ATP6V0A4: variants seen among roughly 807,000 people sequenced by gnomAD.
ATP6V0A4 encodes ATPase H+ transporting V0 subunit a4, also known as V-type proton ATPase 116 kDa subunit a 4.
In ATP6V0A4, 86 loss-of-function variants were observed where a neutral mutation model predicts 107.3. The observed-to-expected ratio is 0.80, with a 90% confidence interval of 0.67 to 0.96. The LOEUF (loss-of-function observed/expected upper bound fraction) is 0.96, where lower values mean the gene tolerates loss of function less well. Ranked by LOEUF, ATP6V0A4 falls within the 40% of genes least tolerant of loss-of-function variation. The probability of loss-of-function intolerance (pLI) is 0.00; values close to 1 mark genes in which losing one functional copy is unlikely to be tolerated. For synonymous variants in ATP6V0A4, 353 were observed against 381.4 expected (o/e 0.93, Z 0.87); for missense variants, 908 against 1,045.6 (o/e 0.87, Z 1.81).
At chr7:138,749,082 G>C (rs1806098488) in intron 12 of ATP6V0A4, 85 bp downstream of exon 12, 3 of 1,547,902 alleles carry the variant, frequency 1.9e-6, no homozygotes, top group Middle Eastern at 2.3e-4. Flanking sequence ...GTTTTAACAA[G>C]TTCACCACCT....
intron 19 of ATP6V0A4, among the ~76,000 whole-genome samples, chr7:138,718,153 G>GTGTGT (rs1804175549): frequency 1.6e-5 from 2 of 128,160 alleles, no homozygotes; most frequent in African/African-American, 2.8e-5. Flanking sequence ...GAAGGAAGGG[G>GTGTGT]GGATGCAGTC....
intron 14 of ATP6V0A4, among the ~76,000 whole-genome samples, chr7:138,741,485 C>T (rs6972218): frequency 0.095 from 14,446 of 152,144 alleles, 2,005 homozygotes; most frequent in African/African-American, 0.3. Flanking sequence ...CATAGCTAAG[C>T]CATCGTGTCT....
At chr7:138,762,801 CAG>C in intron 6 of ATP6V0A4, 97 bp downstream of exon 6, 3 of 1,373,188 alleles carry the variant, frequency 2.2e-6, no homozygotes, top group East Asian at 2.3e-5. Context: ...GGAACAGAAA[CAG>C]AGTGATTTAC....
rs1268890855 is a variant in ATP6V0A4 at position 138,753,704 on chromosome 7, G to A, written c.817-867C>T. Among the ~76,000 whole-genome samples the A allele has an allele frequency of 2.0e-5, 3 of 152,132 alleles. No individual in the cohort carries two copies. The East Asian group carries it at 5.8e-4, about 29-fold the overall frequency. ...AGACACACTGTAAGACAGACATGCTGGCTCTAAGATTAACGAGAGCCATGA... is the reference window on the plus strand; with the variant it reads ...AGACACACTGTAAGACAGACATGCTAGCTCTAAGATTAACGAGAGCCATGA... On this transcript the variant is annotated intron_variant, in intron 10 of 21. Transcript: ENST00000310018.
intron 5 of ATP6V0A4, among the ~76,000 whole-genome samples, chr7:138,767,871 G>A (rs1431959704): frequency 6.6e-6 from 1 of 152,128 alleles, no homozygotes; most frequent in East Asian, 1.9e-4. Context: ...CCCTTGGAGG[G>A]CACAGTCATG....
At chr7:138,774,787 C>T (rs1807581920) in intron 2 of ATP6V0A4, among the ~76,000 whole-genome samples, 2 of 151,622 alleles carry the variant, frequency 1.3e-5, no homozygotes, top group Admixed American at 6.6e-5. Context: ...ACTCACCATC[C>T]TATCAACTAT....
intron 2 of ATP6V0A4, among the ~76,000 whole-genome samples, chr7:138,771,689 G>T (rs1807398095): frequency 6.6e-6 from 1 of 152,106 alleles, no homozygotes; most frequent in Admixed American, 6.5e-5. Context: ...GCACAAACAT[G>T]ACTCACTGCA....
chr7:138,766,615 G>A (rs748770046), intron 5 of ATP6V0A4, among the ~76,000 whole-genome samples: 1 of 151,618 alleles, frequency 6.6e-6, no homozygotes, highest in Non-Finnish European at 1.5e-5. Flanking sequence ...AAATAAAAAG[G>A]GCTATCCACT....
intron 2 of ATP6V0A4, among the ~76,000 whole-genome samples, chr7:138,775,347 T>C (rs1305682114): frequency 2.6e-5 from 4 of 152,180 alleles, no homozygotes; most frequent in African/African-American, 9.7e-5. Context: ...CAGGTATCTC[T>C]AAAAGATAAG....
In ATP6V0A4 at chr7:138,706,861, G is replaced by C. The variant is rs532353201; in HGVS notation, c.2430-144C>G. On this transcript the variant is annotated intron_variant, in intron 21 of 21. Coordinates refer to ENST00000310018, the MANE Select transcript of ATP6V0A4 (RefSeq NM_020632.3). ...AGGGTTGGCCACGGCAGGCACCCAG[G>C]CTGATGGCTGCCATGAGAATCCTGA... 6.4e-4 allele frequency: 830 copies of C among 1,305,786 alleles called. 3 individuals are homozygous for C. Among genetic ancestry groups the C allele is most frequent in the Admixed American group, 3.7e-3 (161 of 43,936 alleles). The allele number at this position is 1,305,786 out of a possible 1,614,324, so 80.9% of individuals were successfully genotyped here. A position where few individuals can be genotyped will look rare whatever the true frequency, so the allele number is the denominator to read the frequency against.
intron 15 of ATP6V0A4, among the ~76,000 whole-genome samples, chr7:138,738,892 T>G (rs1167520920): frequency 3.3e-5 from 5 of 152,148 alleles, no homozygotes; most frequent in African/African-American, 4.8e-5. Flanking sequence ...TCACGCTCAT[T>G]TGGAGCACAA....
At chr7:138,716,010 A>G in intron 19 of ATP6V0A4, 129 bp from the exon 20 acceptor site, 1 of 1,268,044 alleles carries the variant, frequency 7.9e-7, no homozygotes, top group Non-Finnish European at 1.1e-6. Flanking sequence ...AGGGGAAAAG[A>G]AATAGTAATA....
At chr7:138,720,950 T>G (rs1196776682) in intron 19 of ATP6V0A4, among the ~76,000 whole-genome samples, 1 of 152,112 alleles carries the variant, frequency 6.6e-6, no homozygotes, top group African/African-American at 2.4e-5. Context: ...AAGAGAAAAC[T>G]TTTTAAAATA....
intron 19 of ATP6V0A4, among the ~76,000 whole-genome samples, chr7:138,719,918 G>C (rs1388098623): frequency 6.6e-6 from 1 of 152,032 alleles, no homozygotes; most frequent in East Asian, 1.9e-4. Context: ...CCAGCTACTC[G>C]GGAGGCTGAG....
intron 17 of ATP6V0A4, among the ~76,000 whole-genome samples, chr7:138,729,786 G>A (rs1161813212): frequency 3.3e-5 from 5 of 152,212 alleles, no homozygotes; most frequent in African/African-American, 4.8e-5. Context: ...TTCTGACCAA[G>A]GTCGCAGTAA....
At chr7:138,713,602 T>C (rs4728444) in intron 20 of ATP6V0A4, among the ~76,000 whole-genome samples, 32,363 of 152,010 alleles carry the variant, frequency 0.21, 3,535 homozygotes, top group Middle Eastern at 0.29. Flanking sequence ...AAGACAATTA[T>C]AATTGAAGCT....
rs368166747 is a variant in ATP6V0A4, at chr7:138,732,867, G to A, written c.1908+10C>T. 1.9e-6 allele frequency: 3 copies of A among 1,554,658 alleles called. No homozygotes were observed. The highest frequency in any genetic ancestry group is 1.2e-5 in the South Asian group (1 of 83,078). On this transcript the variant is annotated intron_variant, in intron 17 of 21. Transcript: ENST00000310018. ...AAAGAAGAGTAAAAAAAAAAAAATA[G>A]CAGAAATACCTGATGTTTGTAGAGG...
chr7:138,747,120 T>C (rs1191848913), intron 13 of ATP6V0A4, among the ~76,000 whole-genome samples: 1 of 152,122 alleles, frequency 6.6e-6, no homozygotes, highest in Non-Finnish European at 1.5e-5. Flanking sequence ...TTCTAATTTT[T>C]ACAGTGATTA....
At chr7:138,720,792 A>G (rs919790378) in intron 19 of ATP6V0A4, among the ~76,000 whole-genome samples, 4 of 152,054 alleles carry the variant, frequency 2.6e-5, no homozygotes, top group East Asian at 1.9e-4. Context: ...GCTCACCACC[A>G]TGCCTGGCTA....
Sources: allele counts gnomAD v4.1 joint callset (sites outside exome capture counted in the v4.1 genomes callset), GRCh38; gene constraint gnomAD v4.1.1; transcripts MANE v1.5; gene names NCBI Gene and HGNC (gene_info 2026-07-23, HGNC 2026-07-21).